AFG1L: variants seen among roughly 807,000 people sequenced by gnomAD.
AFG1L encodes the protein AFG1 like ATPase.
Under a neutral mutation model 62.2 loss-of-function variants are expected in AFG1L, and 53 were observed. The observed-to-expected ratio is 0.85, with a 90% CI of 0.68 to 1.07. The LOEUF (loss-of-function observed/expected upper bound fraction) is 1.07, where lower values mean the gene tolerates loss of function less well. Ranked by LOEUF, AFG1L falls within the 50% of genes least tolerant of loss-of-function variation. The pLI is 0.00. For missense variants in AFG1L, 555 were observed against 590.5 expected (o/e 0.94, Z 0.62); for synonymous variants, 228 against 210.3 (o/e 1.08, Z -0.73).
intron 10 of AFG1L, among the ~76,000 whole-genome samples, chr6:108,485,188 A>G (rs1773490659): frequency 6.6e-6 from 1 of 152,190 alleles, no homozygotes; most frequent in Admixed American, 6.5e-5. Context: ...AGCTTCTTAG[A>G]TGATGCCACT....
At chr6:108,343,019 G>T (rs535623681) in intron 2 of AFG1L, among the ~76,000 whole-genome samples, 6 of 151,300 alleles carry the variant, frequency 4.0e-5, no homozygotes, top group Non-Finnish European at 8.8e-5. Flanking sequence ...AATATATTGA[G>T]TTGAGAGGGA....
chr6:108,446,016 A>G (rs1219410136), intron 7 of AFG1L, among the ~76,000 whole-genome samples: 13 of 151,140 alleles, frequency 8.6e-5, no homozygotes. Context: ...AGGGAAACAC[A>G]ATAAAATGAA....
intron 2 of AFG1L, among the ~76,000 whole-genome samples, chr6:108,328,929 A>G (rs540081576): frequency 1.3e-5 from 2 of 152,140 alleles, no homozygotes; most frequent in Non-Finnish European, 2.9e-5. Flanking sequence ...ATCTAATGTA[A>G]ATGGAAGATT....
chr6:108,344,791 C>T (rs1349183152), intron 2 of AFG1L: 1 of 471,130 alleles, frequency 2.1e-6, no homozygotes, highest in South Asian at 1.5e-5. Flanking sequence ...GGAACTGCTG[C>T]AGAGTATGAA....
At chr6:108,413,594 G>C (rs1423005223) in intron 7 of AFG1L, among the ~76,000 whole-genome samples, 2 of 152,130 alleles carry the variant, frequency 1.3e-5, no homozygotes, top group Non-Finnish European at 2.9e-5. Flanking sequence ...AATCAAACTA[G>C]AACTCAGGAC....
intron 6 of AFG1L, among the ~76,000 whole-genome samples, chr6:108,370,136 T>C (rs370010226): frequency 0.013 from 46 of 3,568 alleles, no homozygotes; most frequent in African/African-American, 0.017. Context: ...AAGGTACAAG[T>C]TGATCTGTAG....
At chr6:108,387,166 G>A (rs760437421) in intron 6 of AFG1L, among the ~76,000 whole-genome samples, 7 of 152,188 alleles carry the variant, frequency 4.6e-5, no homozygotes, top group Non-Finnish European at 7.3e-5. Context: ...TGATACGATG[G>A]CTAACATGGA....
chr6:108,366,085 C>T (rs1269162806), intron 5 of AFG1L, 148 bp from the exon 6 acceptor site: 1 of 546,488 alleles, frequency 1.8e-6, no homozygotes, highest in Non-Finnish European at 3.3e-6. Context: ...GTGTTTCATG[C>T]TTTTAATTAT....
intron 12 of AFG1L, chr6:108,520,864 C>G (rs1012591820): frequency 1.3e-5 from 2 of 152,386 alleles, no homozygotes; most frequent in African/African-American, 4.8e-5. Context: ...AGTTCCTAAG[C>G]CTCTGTCTTT....
intron 5 of AFG1L, among the ~76,000 whole-genome samples, chr6:108,363,140 G>C (rs573976825): frequency 6.6e-6 from 1 of 152,120 alleles, no homozygotes; most frequent in Admixed American, 6.6e-5. Flanking sequence ...GAATTTTAAA[G>C]ATTATGTTTT....
intron 6 of AFG1L, among the ~76,000 whole-genome samples, chr6:108,380,726 C>T (rs767539441): frequency 6.6e-6 from 1 of 152,200 alleles, no homozygotes; most frequent in Non-Finnish European, 1.5e-5. Context: ...AAAATGCCTG[C>T]AGCATTTCCC....
At chr6:108,410,134 C>T (rs1010744399) in intron 7 of AFG1L, among the ~76,000 whole-genome samples, 1 of 152,042 alleles carries the variant, frequency 6.6e-6, no homozygotes, top group Middle Eastern at 3.4e-3. Flanking sequence ...GGTGAAACCC[C>T]ATCTCTACTA....
intron 12 of AFG1L, 23 bp downstream of exon 12, chr6:108,519,833 C>A: frequency 6.9e-7 from 1 of 1,443,266 alleles, no homozygotes; most frequent in Non-Finnish European, 9.6e-7. Context: ...AACATAATCT[C>A]TTTTTATTAT....
At chr6:108,490,292 G>A (rs934008854) in intron 10 of AFG1L, among the ~76,000 whole-genome samples, 1 of 152,284 alleles carries the variant, frequency 6.6e-6, no homozygotes, top group South Asian at 2.1e-4. Context: ...CCCAGGAGGC[G>A]GAGGTTGTAG....
intron 8 of AFG1L, among the ~76,000 whole-genome samples, chr6:108,462,089 C>T (rs1027137243): frequency 2.7e-5 from 4 of 148,462 alleles, no homozygotes; most frequent in African/African-American, 7.5e-5. Flanking sequence ...AGCAAGACTC[C>T]GTCTCAAAAA....
intron 1 of AFG1L, among the ~76,000 whole-genome samples, chr6:108,316,119 C>T (rs531270020): frequency 2.6e-5 from 4 of 152,008 alleles, no homozygotes; most frequent in South Asian, 2.1e-4. Flanking sequence ...CGGTGGCTGA[C>T]GCCTGTAATC....
intron 7 of AFG1L, among the ~76,000 whole-genome samples, chr6:108,421,548 A>G (rs750680839): frequency 3.3e-5 from 5 of 152,118 alleles, no homozygotes; most frequent in Non-Finnish European, 7.4e-5. Flanking sequence ...AGGAAGAGTC[A>G]TTGTGGCTTG....
chr6:108,354,284 A>G (rs1229731869), intron 3 of AFG1L, among the ~76,000 whole-genome samples: 1 of 152,062 alleles, frequency 6.6e-6, no homozygotes, highest in Non-Finnish European at 1.5e-5. Context: ...GAAACCTCAC[A>G]TAGTACTGAA....
rs137990137 is a variant in AFG1L, at chr6:108,461,401, A to G, written c.890+14105A>G. 4.1e-4 allele frequency among the ~76,000 whole-genome samples: 63 copies of G among 152,330 alleles called. 1 individual carries two copies. The highest frequency in any genetic ancestry group is 1.5e-3 in the African/African-American group (61 of 41,586). ...TAACTGTATATTATAAACAACTACA[A>G]AACAACAACTTTTTGTTTTGTATTT... On this transcript the variant is annotated intron_variant, in intron 8 of 12. Coordinates refer to ENST00000368977, the MANE Select transcript of AFG1L (RefSeq NM_145315.5).
Sources: allele counts gnomAD v4.1 joint callset (sites outside exome capture counted in the v4.1 genomes callset), GRCh38; gene constraint gnomAD v4.1.1; transcripts MANE v1.5; gene names NCBI Gene and HGNC (gene_info 2026-07-23, HGNC 2026-07-21).